MSH3: variants seen among roughly 807,000 people sequenced by gnomAD.
The protein encoded by MSH3 is DNA mismatch repair protein Msh3.
In MSH3, 106 loss-of-function variants were observed where a neutral mutation model predicts 123.3. The ratio of observed to expected loss-of-function variants is 0.86; its 90% CI spans 0.73 to 1.01. The LOEUF (loss-of-function observed/expected upper bound fraction) is 1.01. Among genes scored for constraint, MSH3 ranks in the 50% least tolerant of loss-of-function variants. The pLI, the probability that MSH3 is intolerant of heterozygous loss-of-function variation, is 0.00. For synonymous variants in MSH3, 515 were observed against 481.4 expected (o/e 1.07, Z -0.91); for missense variants, 1,459 against 1,347.6 (o/e 1.08, Z -1.29).
intron 12 of MSH3, among the ~76,000 whole-genome samples, chr5:80,757,068 C>A (rs973753982): frequency 6.6e-6 from 1 of 152,056 alleles, no homozygotes; most frequent in Non-Finnish European, 1.5e-5. Flanking sequence ...TCCCCACCCC[C>A]ACCAGACAAC....
At chr5:80,720,466 C>T (rs973944447) in intron 8 of MSH3, among the ~76,000 whole-genome samples, 20 of 150,664 alleles carry the variant, frequency 1.3e-4, no homozygotes, top group African/African-American at 4.8e-4. Context: ...AAAAAAATTT[C>T]CCCCTTTCAT....
rs1749206354 is a variant in MSH3 at position 80,654,896 on chromosome 5, G to GCGC, written c.170_171insGCC (p.Ala57_Ala58insPro). The GCGC allele has an allele frequency of 6.1e-6, 5 of 815,278 alleles. No homozygotes were observed. In the African/African-American group the frequency reaches 1.3e-4, roughly 21 times the overall value. The allele number at this position is 815,278 out of a possible 1,614,324, so 50.5% of individuals were successfully genotyped here. ...CCCTGGCGCTGCAGCGGCTGCAGCG[G>GCGC]CCGCAGCGGCCGCAGCGCCCCCAGC... On this transcript the variant is annotated inframe_insertion, in exon 1 of 24. Coordinates refer to ENST00000265081, the MANE Select transcript of MSH3 (RefSeq NM_002439.5).
At chr5:80,692,626 G>GTATATGTTTATATAGATGA (rs1750324411) in intron 8 of MSH3, among the ~76,000 whole-genome samples, 1 of 140,084 alleles carries the variant, frequency 7.1e-6, no homozygotes, top group African/African-American at 2.6e-5. Flanking sequence ...ATATAAACAT[G>GTATATGTTTATATAGATGA]TATATGTTTA....
chr5:80,709,411 A>G (rs970768685), intron 8 of MSH3, among the ~76,000 whole-genome samples: 3 of 152,190 alleles, frequency 2.0e-5, no homozygotes, highest in Non-Finnish European at 4.4e-5. Context: ...TCACGAGGTC[A>G]GGAGATCGAG....
chr5:80,842,518 T>C lies in MSH3; in HGVS notation c.2814-11612T>C, dbSNP rs968865682. On this transcript the variant is annotated intron_variant, in intron 20 of 23. Coordinates refer to ENST00000265081, the MANE Select transcript of MSH3 (RefSeq NM_002439.5). ...TTGGGCAGTATGGCCATTTTCACAA[T>C]ATTGATTCTTCCTATCCATGAGCAT... Among the ~76,000 whole-genome samples, 68 of 152,210 alleles carry C rather than the reference T, an allele frequency of 4.5e-4. 1 individual carries two copies. Among genetic ancestry groups the C allele is most frequent in the African/African-American group, 1.4e-3 (60 of 41,446 alleles).
intron 21 of MSH3, among the ~76,000 whole-genome samples, chr5:80,863,063 G>C (rs1055035381): frequency 6.6e-6 from 1 of 152,172 alleles, no homozygotes; most frequent in African/African-American, 2.4e-5. Context: ...AAGAAATCTA[G>C]TGGGTACCCT....
chr5:80,816,703 A>C (rs1745107422), intron 20 of MSH3, among the ~76,000 whole-genome samples: 3 of 152,228 alleles, frequency 2.0e-5, no homozygotes, highest in Admixed American at 2.0e-4. Flanking sequence ...GTGCTAGTTT[A>C]AGTGGAAAGG....
intron 12 of MSH3, among the ~76,000 whole-genome samples, chr5:80,759,259 C>A (rs1423589341): frequency 6.6e-6 from 1 of 151,982 alleles, no homozygotes; most frequent in Non-Finnish European, 1.5e-5. Flanking sequence ...ATTATGATTA[C>A]CATTATGAGA....
At chr5:80,748,306 G>A (rs1195193455) in intron 12 of MSH3, among the ~76,000 whole-genome samples, 2 of 152,008 alleles carry the variant, frequency 1.3e-5, no homozygotes, top group South Asian at 2.1e-4. Flanking sequence ...TTCCACTCCC[G>A]TCACCTTTTA....
At chr5:80,775,576 T>C in intron 15 of MSH3, 118 bp from the exon 16 acceptor site, 2 of 660,642 alleles carry the variant, frequency 3.0e-6, no homozygotes, top group Non-Finnish European at 5.4e-6. Flanking sequence ...AAAACAATAC[T>C]GGACTTATCT....
chr5:80,764,553 A>G (rs572728671), intron 13 of MSH3, among the ~76,000 whole-genome samples: 5 of 150,112 alleles, frequency 3.3e-5, no homozygotes, highest in Admixed American at 2.7e-4. Flanking sequence ...TGTAGAGACA[A>G]GGTGTTGCCA....
intron 19 of MSH3, among the ~76,000 whole-genome samples, chr5:80,803,333 T>C (rs1744825479): frequency 1.3e-5 from 2 of 152,142 alleles, no homozygotes; most frequent in Admixed American, 6.5e-5. Flanking sequence ...TGATCAATCA[T>C]GTTGCACCTG....
chr5:80,827,228 T>TG (rs1745335763), intron 20 of MSH3, among the ~76,000 whole-genome samples: 1 of 152,212 alleles, frequency 6.6e-6, no homozygotes, highest in Admixed American at 6.5e-5. Flanking sequence ...TATTAAACGT[T>TG]GGTGATTAAG....
Position 80,861,032 on chromosome 5 carries a change from A to C in MSH3, c.3001-3781A>C, listed in dbSNP as rs182123203. ...CTTTTGGTTTTTTCTTAGAATATGC[A>C]TCTCTGTGCTTACATTGCCCATCTG... On this transcript the variant is annotated intron_variant, in intron 21 of 23. Transcript: ENST00000265081. Among the ~76,000 whole-genome samples the C allele has an allele frequency of 1.2e-3, 188 of 152,212 alleles. 1 individual carries two copies. Among genetic ancestry groups the C allele is most frequent in the African/African-American group, 3.3e-3 (138 of 41,528 alleles).
At chr5:80,782,001 A>G (rs949696292) in intron 17 of MSH3, among the ~76,000 whole-genome samples, 3 of 152,234 alleles carry the variant, frequency 2.0e-5, no homozygotes, top group African/African-American at 7.2e-5. Context: ...ATACAGTTTT[A>G]TATGTGTATA....
At position 80,671,621 on chromosome 5, in the gene MSH3, T is replaced by C. The variant is rs191477693; in HGVS notation, c.793-623T>C. On this transcript the variant is annotated intron_variant, in intron 4 of 23. Coordinates refer to ENST00000265081, the MANE Select transcript of MSH3 (RefSeq NM_002439.5). ...TTTCTGCCCTTCTGTGAGGGACTAATAGAGTTCAGAGAAGGGGTGAGGTTG... is the reference window on the plus strand; with the variant it reads ...TTTCTGCCCTTCTGTGAGGGACTAACAGAGTTCAGAGAAGGGGTGAGGTTG... Among the ~76,000 whole-genome samples, 420 of 152,202 alleles carry C rather than the reference T, an allele frequency of 2.8e-3. 2 individuals are homozygous for C. The highest frequency in any genetic ancestry group is 5.3e-3 in the Non-Finnish European group (361 of 68,006).
At chr5:80,778,980 C>CTTT in intron 17 of MSH3, 144 bp downstream of exon 17, 8 of 393,966 alleles carry the variant, frequency 2.0e-5, no homozygotes, top group South Asian at 6.5e-5. Flanking sequence ...GATTTTATTT[C>CTTT]TTTTTTTTTT....
Position 80,654,670 on chromosome 5 carries a change from G to T in MSH3, c.-58G>T, listed in dbSNP as rs535768731. The T allele has an allele frequency of 2.6e-6, 4 of 1,514,644 alleles. No homozygotes were observed. Among genetic ancestry groups the T allele is most frequent in the Non-Finnish European group, 3.6e-6 (4 of 1,120,938 alleles). The allele number at this position is 1,514,644 out of a possible 1,614,324, so 93.8% of individuals were successfully genotyped here. A position where few individuals can be genotyped will look rare whatever the true frequency, so the allele number is the denominator to read the frequency against. On this transcript the variant is annotated 5_prime_UTR_variant, in exon 1 of 24. Coordinates refer to ENST00000265081, the MANE Select transcript of MSH3 (RefSeq NM_002439.5). The stretch of plus-strand genomic sequence containing the variant: ...CGCCCGCAGACGCCTGGGAACTGCG[G>T]CCGCGGGCTCGCGCTCCTCGCCAGG...
intron 20 of MSH3, among the ~76,000 whole-genome samples, chr5:80,852,701 C>T (rs1394341317): frequency 1.3e-5 from 2 of 152,146 alleles, no homozygotes; most frequent in Non-Finnish European, 2.9e-5. Flanking sequence ...TTCTCAATGC[C>T]GCTAGTTATT....
Sources: allele counts gnomAD v4.1 joint callset (sites outside exome capture counted in the v4.1 genomes callset), GRCh38; gene constraint gnomAD v4.1.1; transcripts MANE v1.5; gene names NCBI Gene and HGNC (gene_info 2026-07-23, HGNC 2026-07-21).